AFAP1: variants seen among roughly 807,000 people sequenced by gnomAD.
The protein encoded by AFAP1 is actin filament associated protein 1.
AFAP1 carries 75 observed loss-of-function variants against 93.9 expected under a neutral mutation model. That is an observed-to-expected ratio of 0.80 (90% CI 0.66 to 0.97). The LOEUF (loss-of-function observed/expected upper bound fraction) is 0.97, where lower values mean the gene tolerates loss of function less well. Among genes scored for constraint, AFAP1 ranks in the 50% least tolerant of loss-of-function variants. The pLI is 0.00. For synonymous variants in AFAP1, 517 were observed against 430.7 expected, an observed-to-expected ratio of 1.20 and a Z score of -2.48; for missense variants, 1,201 against 1,050.8, an observed-to-expected ratio of 1.14 and a Z score of -1.98.
intron 4 of AFAP1, among the ~76,000 whole-genome samples, chr4:7,847,725 T>G (rs1177435615): frequency 1.3e-5 from 2 of 150,398 alleles, no homozygotes; most frequent in Admixed American, 6.6e-5. Flanking sequence ...GATTGCCTTC[T>G]AGTCTTGTAG....
At chr4:7,892,947 AAC>A (rs1247605488) in intron 1 of AFAP1, among the ~76,000 whole-genome samples, 2 of 152,302 alleles carry the variant, frequency 1.3e-5, no homozygotes, top group South Asian at 2.1e-4. Flanking sequence ...AGAACATCAA[AAC>A]ACACAACCAG....
rs1192840013 is a variant in AFAP1, at chr4:7,856,881, A to G, written c.226-1307T>C. On this transcript the variant is annotated intron_variant, in intron 3 of 17. Transcript: ENST00000420658. ...AGACACTTCTGCACTTGCCACATGA[A>G]CGTCAATCAATCCATGCAGGAATCC... Among the ~76,000 whole-genome samples, 3 of 152,280 alleles carry G rather than the reference A, an allele frequency of 2.0e-5. No individual in the cohort carries two copies. In the South Asian group the frequency reaches 6.2e-4, roughly 32 times the overall value.
At chr4:7,894,251 G>A (rs1054105594) in intron 1 of AFAP1, among the ~76,000 whole-genome samples, 10 of 152,146 alleles carry the variant, frequency 6.6e-5, no homozygotes, top group African/African-American at 2.4e-4. Flanking sequence ...ATTCATTTAT[G>A]TATCACCTAC....
At chr4:7,818,393 G>A (rs557814786) in intron 7 of AFAP1, among the ~76,000 whole-genome samples, 3 of 152,116 alleles carry the variant, frequency 2.0e-5, no homozygotes, top group Admixed American at 6.5e-5. Flanking sequence ...CTTATATGAG[G>A]ACAGGCAAAA....
intron 8 of AFAP1, among the ~76,000 whole-genome samples, chr4:7,815,041 T>C (rs1192307969): frequency 6.6e-6 from 1 of 152,238 alleles, no homozygotes; most frequent in African/African-American, 2.4e-5. Context: ...AAACAAAATG[T>C]GGTCCATCTA....
intron 3 of AFAP1, among the ~76,000 whole-genome samples, chr4:7,862,553 G>C (rs975470985): frequency 6.6e-6 from 1 of 152,106 alleles, no homozygotes; most frequent in Non-Finnish European, 1.5e-5. Context: ...CATTTTAAGT[G>C]TATTGAACCG....
rs1433460707 is a variant in AFAP1, at chr4:7,781,480, A to C, written c.1678T>G (p.Ser560Ala). 1.9e-6 allele frequency: 3 copies of C among 1,552,228 alleles called. No individual in the cohort carries two copies. Among genetic ancestry groups the C allele is most frequent in the Non-Finnish European group, 2.6e-6 (3 of 1,147,098 alleles). ...TGGTTAGAGGACAGCTTGTCAGCAG[A>C]CAGCCTAGAGGCCTTTCTGTCAGCA... Reference protein sequence around the residue: ...SPADRKASRLSADKLSSNHYK... With the variant: ...SPADRKASRLAADKLSSNHYK... The change falls in exon 13 of 18, where the codon TCT becomes GCT. Residue 560 changes from serine to alanine, a missense_variant. Ser to Ala is a moderately conservative substitution (Grantham distance 99). Transcript: ENST00000420658.
chr4:7,855,504 G>C lies in AFAP1; in HGVS notation c.296C>G (p.Pro99Arg), dbSNP rs770523260. 6.2e-7 allele frequency: 1 copy of C among 1,613,726 alleles called. No individual in the cohort carries two copies. The highest frequency in any genetic ancestry group is 8.5e-7 in the Non-Finnish European group (1 of 1,179,820). ...TTCCGGAGCTTTTCCGGGGCTCAGC[G>C]GCACAGCTTCCTCATAATAACCTTC... ...LPEGYYEEAV[P>R]LSPGKAPEYI... is the part of the protein sequence containing the mutation. The change falls in exon 4 of 18, where the codon CCG becomes CGG. Residue 99 changes from proline to arginine, a missense_variant. Coordinates refer to ENST00000420658, the MANE Select transcript of AFAP1 (RefSeq NM_001134647.2).
At chr4:7,899,153 A>G (rs963193093) in intron 1 of AFAP1, among the ~76,000 whole-genome samples, 6 of 152,094 alleles carry the variant, frequency 3.9e-5, no homozygotes, top group Admixed American at 2.6e-4. Flanking sequence ...AGACAGATGC[A>G]TTGGTATGGA....
intron 9 of AFAP1, among the ~76,000 whole-genome samples, chr4:7,805,908 C>A (rs1400939980): frequency 6.6e-6 from 1 of 152,168 alleles, no homozygotes; most frequent in Non-Finnish European, 1.5e-5. Flanking sequence ...TCAAAACTTC[C>A]ATCTGGTGGC....
intron 6 of AFAP1, among the ~76,000 whole-genome samples, chr4:7,832,655 C>T (rs1009835486): frequency 2.3e-4 from 27 of 117,866 alleles, no homozygotes; most frequent in African/African-American, 9.0e-4. Flanking sequence ...AAAAACAATC[C>T]TAAAATTCAT....
In AFAP1 at chr4:7,762,224, C is replaced by G. The variant is rs140305772; in HGVS notation, c.*1541G>C. On this transcript the variant is annotated 3_prime_UTR_variant, in exon 18 of 18. Transcript: ENST00000420658. Reference sequence around the variant, plus strand: ...AAAGTCCCGTGCACCACACAGCTAGCGCTCTGAAAGTATGTCTGGGGGAAA... The same window carrying G: ...AAAGTCCCGTGCACCACACAGCTAGGGCTCTGAAAGTATGTCTGGGGGAAA... 6.6e-6 allele frequency: 1 copy of G among 152,246 alleles called. No individual in the cohort carries two copies. The highest frequency in any genetic ancestry group is 1.5e-5 in the Non-Finnish European group (1 of 68,058). 9.4% of individuals were successfully genotyped at this position (152,246 alleles called of 1,614,324 possible).
At chr4:7,910,633 G>A (rs548324565) in intron 1 of AFAP1, among the ~76,000 whole-genome samples, 1 of 152,200 alleles carries the variant, frequency 6.6e-6, no homozygotes, top group South Asian at 2.1e-4. Flanking sequence ...GAACTGCAGA[G>A]CATCCCTCTC....
chr4:7,818,152 G>A (rs1186153021), intron 7 of AFAP1, among the ~76,000 whole-genome samples: 2 of 152,000 alleles, frequency 1.3e-5, no homozygotes, highest in African/African-American at 4.8e-5. Flanking sequence ...ATCATTTCAG[G>A]GCCTCAGTGG....
intron 3 of AFAP1, among the ~76,000 whole-genome samples, chr4:7,863,559 T>A (rs1447777670): frequency 2.6e-5 from 4 of 152,210 alleles, no homozygotes; most frequent in Non-Finnish European, 5.9e-5. Flanking sequence ...GTGTGAAACA[T>A]GCTACATCCC....
intron 2 of AFAP1, 118 bp from the exon 3 acceptor site, chr4:7,868,837 A>T: frequency 1.2e-6 from 1 of 862,994 alleles, no homozygotes; most frequent in Non-Finnish European, 1.8e-6. Context: ...TATTTTCTCT[A>T]ATCCTTTACA....
At position 7,781,477 on chromosome 4, in the gene AFAP1, C is replaced by A; in HGVS notation, c.1681G>T (p.Ala561Ser). The A allele has an allele frequency of 6.4e-7, 1 of 1,552,182 alleles. No individual in the cohort carries two copies. Among genetic ancestry groups the A allele is most frequent in the East Asian group, 2.4e-5 (1 of 40,926 alleles). Residue 561 changes from alanine (A) to serine (S), a missense_variant, in exon 13 of 18, where the codon GCT becomes TCT. Ala to Ser is a moderately conservative substitution (Grantham distance 99). Transcript: ENST00000420658. ...PADRKASRLSADKLSSNHYKY... is the reference protein window; with the variant it reads ...PADRKASRLSSDKLSSNHYKY... Reference sequence around the variant, plus strand: ...TAATGGTTAGAGGACAGCTTGTCAGCAGACAGCCTAGAGGCCTTTCTGTCA... The same window carrying A: ...TAATGGTTAGAGGACAGCTTGTCAGAAGACAGCCTAGAGGCCTTTCTGTCA...
intron 12 of AFAP1, among the ~76,000 whole-genome samples, chr4:7,783,910 G>A (rs922795475): frequency 5.9e-5 from 9 of 152,216 alleles, no homozygotes; most frequent in African/African-American, 2.2e-4. Context: ...GAAGTGGATG[G>A]TTCTCAGGAT....
At chr4:7,918,923 C>T (rs1720266754) in intron 1 of AFAP1, among the ~76,000 whole-genome samples, 1 of 122,098 alleles carries the variant, frequency 8.2e-6, no homozygotes, top group African/African-American at 3.2e-5. Flanking sequence ...AACAGGGCTG[C>T]CGGATGAGAC....
Sources: gnomAD v4.1 joint callset for allele counts (sites outside exome capture counted in the v4.1 genomes callset) on GRCh38, gnomAD v4.1.1 for gene constraint, MANE v1.5 for transcripts, NCBI Gene and HGNC (gene_info 2026-07-23, HGNC 2026-07-21) for gene names.